OPCML: variants seen among roughly 807,000 people sequenced by gnomAD.
The protein encoded by OPCML is opioid binding protein/cell adhesion molecule like.
OPCML carries 13 observed loss-of-function variants against 37.8 expected under a neutral mutation model. The observed-to-expected ratio is 0.34, with a 90% confidence interval of 0.22 to 0.55. The LOEUF (loss-of-function observed/expected upper bound fraction) is 0.55, where lower values mean the gene tolerates loss of function less well. Among genes scored for constraint, OPCML ranks in the 20% least tolerant of loss-of-function variants. The pLI, the probability that OPCML is intolerant of heterozygous loss-of-function variation, is 0.91. For synonymous variants in OPCML, 176 were observed against 168.8 expected (o/e 1.04, Z -0.33); for missense variants, 341 against 435.6 (o/e 0.78, Z 1.93).
In OPCML at chr11:133,140,949, C is replaced by CGAAGAA. The variant is rs1301893070; in HGVS notation, c.62-197945_62-197940dup. On this transcript the variant is annotated intron_variant, in intron 1 of 7. Coordinates refer to ENST00000524381, the MANE Select transcript of OPCML (RefSeq NM_001012393.5). Reference sequence around the variant, plus strand: ...ACGACGACGAAGAAGAAGAAGACGACGAAGAAGAAGAAGAAGAAGAAGAAG... The same window carrying CGAAGAA: ...ACGACGACGAAGAAGAAGAAGACGACGAAGAAGAAGAAGAAGAAGAAGAAGAAGAAG... Among the ~76,000 whole-genome samples the CGAAGAA allele has an allele frequency of 9.9e-3, 29 of 2,922 alleles. 14 individuals are homozygous for CGAAGAA. Among genetic ancestry groups the CGAAGAA allele is most frequent in the South Asian group, 0.056 (2 of 36 alleles). 1.9% of individuals were successfully genotyped at this position (2,922 alleles called of 152,430 possible).
intron 1 of OPCML, among the ~76,000 whole-genome samples, chr11:133,200,145 T>C (rs1293973808): frequency 6.6e-6 from 1 of 152,168 alleles, no homozygotes; most frequent in Non-Finnish European, 1.5e-5. Context: ...ACTCTTTACT[T>C]ACTCTTCAAG....
chr11:132,650,748 C>T (rs777776147), intron 3 of OPCML, among the ~76,000 whole-genome samples: 26 of 152,212 alleles, frequency 1.7e-4, no homozygotes, highest in Middle Eastern at 3.4e-3. Flanking sequence ...AGGAGCCGAG[C>T]GCAGGGCTGA....
intron 1 of OPCML, among the ~76,000 whole-genome samples, chr11:133,486,598 C>T (rs1158525228): frequency 1.3e-5 from 2 of 152,114 alleles, no homozygotes; most frequent in African/African-American, 4.8e-5. Context: ...TCTTAGCAGC[C>T]TCTTCTCTGA....
intron 1 of OPCML, chr11:133,004,270 A>G (rs1947065342): frequency 1.7e-5 from 17 of 985,458 alleles, no homozygotes; most frequent in Non-Finnish European, 1.8e-5. Flanking sequence ...GAGGCTTGCC[A>G]GAGGAAAGCA....
chr11:132,818,974 C>T (rs1397929700), intron 2 of OPCML, among the ~76,000 whole-genome samples: 1 of 148,146 alleles, frequency 6.8e-6, no homozygotes, highest in East Asian at 2.0e-4. Context: ...GGGGCACACC[C>T]TATGTAAATG....
intron 1 of OPCML, among the ~76,000 whole-genome samples, chr11:133,014,828 C>G (rs565251767): frequency 6.6e-6 from 1 of 152,306 alleles, no homozygotes; most frequent in East Asian, 1.9e-4. Context: ...GTCTCAAGCC[C>G]TCTCTCTCTT....
At chr11:132,656,924 G>C (rs934849961) in intron 3 of OPCML, among the ~76,000 whole-genome samples, 163 bp downstream of exon 3, 7 of 152,194 alleles carry the variant, frequency 4.6e-5, no homozygotes, top group African/African-American at 1.7e-4. Context: ...ACTTAGTTAA[G>C]TACCCATTCG....
chr11:133,274,212 C>A (rs576141155), intron 1 of OPCML, among the ~76,000 whole-genome samples: 2 of 152,248 alleles, frequency 1.3e-5, no homozygotes, highest in South Asian at 4.1e-4. Context: ...TCCTCTCATC[C>A]TCCCAGAAAA....
intron 2 of OPCML, among the ~76,000 whole-genome samples, chr11:132,842,737 T>C (rs975292974): frequency 6.6e-5 from 10 of 152,228 alleles, no homozygotes; most frequent in African/African-American, 2.4e-4. Context: ...AGGTTCTGTT[T>C]AGACGCACTG....
chr11:133,082,287 T>C (rs115616618), intron 1 of OPCML, among the ~76,000 whole-genome samples: 10,445 of 151,340 alleles, frequency 0.069, 1,220 homozygotes, highest in African/African-American at 0.24. Context: ...CTTGGGGCCT[T>C]GGGTAGGCGA....
chr11:133,053,768 C>T (rs907447654), intron 1 of OPCML, among the ~76,000 whole-genome samples: 3 of 152,192 alleles, frequency 2.0e-5, no homozygotes, highest in African/African-American at 7.2e-5. Flanking sequence ...CCTCATCTCA[C>T]TGAGTTCGTG....
At chr11:132,644,464 T>C (rs1167849554) in intron 3 of OPCML, among the ~76,000 whole-genome samples, 1 of 151,336 alleles carries the variant, frequency 6.6e-6, no homozygotes. Flanking sequence ...AAATAATCTA[T>C]CTGAACAGAA....
chr11:132,911,470 A>T (rs571274018), intron 2 of OPCML, among the ~76,000 whole-genome samples: 1 of 152,348 alleles, frequency 6.6e-6, no homozygotes, highest in South Asian at 2.1e-4. Context: ...ATTCATCAAG[A>T]CATCCCGAGG....
At chr11:133,016,116 T>C (rs1226939098) in intron 1 of OPCML, among the ~76,000 whole-genome samples, 1 of 152,232 alleles carries the variant, frequency 6.6e-6, no homozygotes, top group Non-Finnish European at 1.5e-5. Flanking sequence ...GTAGTCATTT[T>C]CTATCGTTGT....
At chr11:133,003,525 A>G (rs1279967110) in intron 1 of OPCML, among the ~76,000 whole-genome samples, 1 of 152,152 alleles carries the variant, frequency 6.6e-6, no homozygotes, top group East Asian at 1.9e-4. Flanking sequence ...CCATTTCAAG[A>G]TCCTTCATTT....
chr11:132,522,996 G>A (rs144617742), intron 4 of OPCML, among the ~76,000 whole-genome samples: 207 of 152,278 alleles, frequency 1.4e-3, no homozygotes, highest in African/African-American at 4.7e-3. Flanking sequence ...CAGTGAAATG[G>A]CCTGATCTCG....
intron 2 of OPCML, among the ~76,000 whole-genome samples, chr11:132,817,761 C>T (rs1939716703): frequency 6.6e-6 from 1 of 151,322 alleles, no homozygotes; most frequent in African/African-American, 2.4e-5. Context: ...GCCCCCCTCC[C>T]CCGCCAAAAA....
At chr11:132,547,158 G>A (rs1439430819) in intron 3 of OPCML, among the ~76,000 whole-genome samples, 6 of 152,154 alleles carry the variant, frequency 3.9e-5, no homozygotes, top group Non-Finnish European at 7.3e-5. Flanking sequence ...GGGGAAGCAG[G>A]CACTCACTTT....
At chr11:132,876,774 G>A (rs1943035680) in intron 2 of OPCML, among the ~76,000 whole-genome samples, 1 of 152,140 alleles carries the variant, frequency 6.6e-6, no homozygotes, top group African/African-American at 2.4e-5. Flanking sequence ...AAACATGCCT[G>A]GTGCTTTCTA....
Sources: gnomAD v4.1 joint callset for allele counts (sites outside exome capture counted in the v4.1 genomes callset) on GRCh38, gnomAD v4.1.1 for gene constraint, MANE v1.5 for transcripts, NCBI Gene and HGNC (gene_info 2026-07-23, HGNC 2026-07-21) for gene names.